INO80: variants seen among roughly 807,000 people sequenced by gnomAD.
The protein encoded by INO80 is INO80 complex ATPase subunit.
In INO80, 20 loss-of-function variants were observed where a neutral mutation model predicts 203.4. The observed-to-expected ratio is 0.10, with a 90% CI of 0.07 to 0.14. The LOEUF is 0.14. Ranked by LOEUF, INO80 falls within the 10% of genes least tolerant of loss-of-function variation. The pLI is 1.00. For missense variants in INO80, 1,419 were observed against 1,914.4 expected (o/e 0.74, Z 4.83); for synonymous variants, 726 against 685.2 (o/e 1.06, Z -0.93).
chr15:40,996,037 G>GAGAC (rs1491301726), intron 29 of INO80, among the ~76,000 whole-genome samples: 3 of 141,420 alleles, frequency 2.1e-5, no homozygotes, highest in Admixed American at 6.9e-5. Flanking sequence ...TCAGATTAGT[G>GAGAC]AGAGAGAGAG....
intron 16 of INO80, among the ~76,000 whole-genome samples, chr15:41,057,684 C>T (rs1051473984): frequency 4.0e-5 from 6 of 150,494 alleles, no homozygotes; most frequent in African/African-American, 1.5e-4. Flanking sequence ...GTAATCCCAG[C>T]TACTCGGGAG....
chr15:41,003,609 C>T (rs909522051), intron 28 of INO80, among the ~76,000 whole-genome samples: 1 of 152,000 alleles, frequency 6.6e-6, no homozygotes, highest in Non-Finnish European at 1.5e-5. Context: ...GGATTACAGG[C>T]GTGAGCCACT....
rs915667641 is a variant in INO80 at position 41,010,242 on chromosome 15, T to C, written c.3403-4555A>G. Among the ~76,000 whole-genome samples the C allele has an allele frequency of 4.6e-4, 70 of 152,202 alleles. 1 individual carries two copies. The highest frequency in any genetic ancestry group is 1.6e-3 in the African/African-American group (68 of 41,452). On this transcript the variant is annotated intron_variant, in intron 27 of 35. Coordinates refer to ENST00000648947, the MANE Select transcript of INO80 (RefSeq NM_017553.3). The stretch of plus-strand genomic sequence containing the variant: ...ACTAACTGCCAGTCACTGTTCTATT[T>C]TACCTGGTTATGTTTATCCAATCAT...
At chr15:40,995,227 T>C (rs1396361211) in intron 29 of INO80, among the ~76,000 whole-genome samples, 1 of 152,186 alleles carries the variant, frequency 6.6e-6, no homozygotes, top group Non-Finnish European at 1.5e-5. Context: ...TTACTTACAA[T>C]GTATTTTGAT....
intron 35 of INO80, 88 bp from the exon 36 acceptor site, chr15:40,980,528 C>G: frequency 1.0e-6 from 1 of 977,924 alleles, no homozygotes; most frequent in Non-Finnish European, 1.6e-6. Flanking sequence ...AGAGTCTGAG[C>G]TGGAGGAGAA....
intron 27 of INO80, among the ~76,000 whole-genome samples, chr15:41,006,080 ATG>A (rs1178358844): frequency 6.6e-6 from 1 of 152,122 alleles, no homozygotes; most frequent in Non-Finnish European, 1.5e-5. Flanking sequence ...ACTGAAACGA[ATG>A]TGTTTCCCCA....
At position 41,074,502 on chromosome 15, in the gene INO80, T is replaced by C. The variant is rs2045372987; in HGVS notation, c.1195A>G (p.Met399Val). 13 of 1,613,914 alleles carry C rather than the reference T, an allele frequency of 8.1e-6. No homozygotes were observed. The highest frequency in any genetic ancestry group is 2.2e-5 in the East Asian group (1 of 44,884). ...ITQTELYAHFMSRKRDMGHDG... is the reference protein window; with the variant it reads ...ITQTELYAHFVSRKRDMGHDG... ...TGACCCATATCTCGTTTGCGACTCA[T>C]GAAATGGGCATACAACTCTGTCTGG... The change falls in exon 10 of 36, where the codon ATG becomes GTG. Residue 399 changes from methionine to valine, a missense_variant. Physicochemically the swap from Met to Val is conservative, Grantham distance 21 (BLOSUM62 1). This residue lies in a region of INO80 where 87 missense variants were observed against 150.5 expected (regional missense o/e 0.58). Coordinates refer to ENST00000648947, the MANE Select transcript of INO80 (RefSeq NM_017553.3).
rs1159430816 is a variant in INO80, at chr15:41,036,172, A to AC, written c.2908-8437_2908-8436insG. 1.6e-4 allele frequency among the ~76,000 whole-genome samples: 24 copies of AC among 150,028 alleles called. No homozygotes were observed. The East Asian group carries it at 4.5e-3, about 28-fold the overall frequency. ...CTCTCTCTCGAAAAAAAAAAAAAAA[A>AC]AAAAAAAAAAAAACCCAAAAAAACC... On this transcript the variant is annotated intron_variant, in intron 24 of 35. Coordinates refer to ENST00000648947, the MANE Select transcript of INO80 (RefSeq NM_017553.3).
intron 25 of INO80, chr15:41,024,672 C>G (rs1282703458): frequency 6.6e-6 from 1 of 152,222 alleles, no homozygotes; most frequent in Non-Finnish European, 1.5e-5. Flanking sequence ...ATTTATTAAC[C>G]CTGCAGAATT....
At position 41,005,676 on chromosome 15, in the gene INO80, A is replaced by T. The variant is rs2044030170; in HGVS notation, c.3414T>A (p.Val1138=). The T allele has an allele frequency of 1.3e-6, 2 of 1,589,656 alleles. No homozygotes were observed. Among genetic ancestry groups the T allele is most frequent in the East Asian group, 2.2e-5 (1 of 44,714 alleles). ...RMIDLLEEYM[V]YRKHTYMRLD... Reference sequence around the variant, plus strand: ...GCCTCATGTAGGTATGCTTCCTGTAAACCATGTATTCCTGCCAACCAGGAT... The same window carrying T: ...GCCTCATGTAGGTATGCTTCCTGTATACCATGTATTCCTGCCAACCAGGAT... The change falls in exon 28 of 36, where the codon GTT becomes GTA. Residue 1138 remains valine, a synonymous_variant. Transcript: ENST00000648947.
chr15:41,068,873 A>C (rs1165678109), intron 14 of INO80, among the ~76,000 whole-genome samples: 3 of 152,132 alleles, frequency 2.0e-5, no homozygotes, highest in Non-Finnish European at 4.4e-5. Flanking sequence ...ACAAAAACAA[A>C]AACAAGACAT....
chr15:41,068,453 C>T (rs994751800), intron 14 of INO80, among the ~76,000 whole-genome samples: 4 of 151,948 alleles, frequency 2.6e-5, no homozygotes, highest in South Asian at 2.1e-4. Flanking sequence ...CCCAGCTACT[C>T]GGGAGGCTGA....
At position 41,031,912 on chromosome 15, in the gene INO80, C is replaced by CCACAG. The variant is rs1240339775; in HGVS notation, c.2908-4181_2908-4177dup. Among the ~76,000 whole-genome samples the CCACAG allele has an allele frequency of 2.0e-4, 26 of 128,488 alleles. 1 individual carries two copies. The highest frequency in any genetic ancestry group is 8.1e-4 in the African/African-American group (23 of 28,224). 84.3% of individuals were successfully genotyped at this position (128,488 alleles called of 152,430 possible). A position where few individuals can be genotyped will look rare whatever the true frequency, so the allele number is the denominator to read the frequency against. The stretch of plus-strand genomic sequence containing the variant: ...AGGCTCCATAGCTGCATACTCCTTG[C>CCACAG]CACAGCACAGCACAGCACAGCACAG... On this transcript the variant is annotated intron_variant, in intron 24 of 35. Transcript: ENST00000648947.
chr15:41,054,774 G>T (rs371586413), intron 18 of INO80, among the ~76,000 whole-genome samples: 1 of 152,146 alleles, frequency 6.6e-6, no homozygotes, highest in African/African-American at 2.4e-5. Context: ...GTGTAGCTGG[G>T]ATTACAGGTA....
At chr15:41,017,155 T>G (rs2044223632) in intron 26 of INO80, 1 of 152,236 alleles carries the variant, frequency 6.6e-6, no homozygotes, top group Non-Finnish European at 1.5e-5. Flanking sequence ...ACTCACTAAC[T>G]TGTGCTTTCT....
intron 16 of INO80, 26 bp downstream of exon 16, chr15:41,058,613 A>G: frequency 3.8e-6 from 6 of 1,593,594 alleles, no homozygotes; most frequent in Non-Finnish European, 5.1e-6. Flanking sequence ...CAATGCATTG[A>G]GTTTGGTTTC....
rs148474960 is a variant in INO80 at position 41,069,524 on chromosome 15, GTTTAT to G, written c.1782+41_1782+45del. On this transcript the variant is annotated intron_variant, in intron 14 of 35. Transcript: ENST00000648947. ...AGGGCAAGAAAAGGAGAGTCAAAAAGTTTATTTTAAAGAGCAATAGATGTTTTGGT... is the reference window on the plus strand; with the variant it reads ...AGGGCAAGAAAAGGAGAGTCAAAAAGTTTAAAGAGCAATAGATGTTTTGGT... The G allele has an allele frequency of 1.1e-3, 1,303 of 1,189,456 alleles. 11 individuals are homozygous for G. In the African/African-American group the frequency reaches 0.016, roughly 15 times the overall value. 73.7% of individuals were successfully genotyped at this position (1,189,456 alleles called of 1,614,324 possible).
chr15:41,034,525 C>G (rs2044540568), intron 24 of INO80, among the ~76,000 whole-genome samples: 1 of 152,152 alleles, frequency 6.6e-6, no homozygotes, highest in Admixed American at 6.5e-5. Context: ...ATTTAGGAGA[C>G]AGGCTACAGG....
At position 41,096,239 on chromosome 15, in the gene INO80, G is replaced by A; in HGVS notation, c.72C>T (p.Tyr24=). 1 of 1,613,154 alleles carries A rather than the reference G, an allele frequency of 6.2e-7. No homozygotes were observed. The highest frequency in any genetic ancestry group is 2.2e-5 in the East Asian group (1 of 44,856). The change falls in exon 2 of 36, where the codon TAC becomes TAT. Residue 24 remains tyrosine, a synonymous_variant. Transcript: ENST00000648947. ...TELAKPLYLQ[Y]LERALRLDHF... ...GGTCCAACCGGAGGGCCCTCTCCAA[G>A]TACTGAAGATAGAGGGGCTTTGCCA...
Sources: allele counts gnomAD v4.1 joint callset (sites outside exome capture counted in the v4.1 genomes callset), GRCh38; gene constraint gnomAD v4.1.1; regional missense constraint gnomAD v4.1.1; transcripts MANE v1.5; gene names NCBI Gene and HGNC (gene_info 2026-07-23, HGNC 2026-07-21).